Variants in LIN52 observed in about 807,000 individuals in gnomAD.
LIN52 encodes protein lin-52 homolog.
LIN52 carries 4 observed loss-of-function variants against 18.5 expected under a neutral mutation model. The ratio of observed to expected loss-of-function variants is 0.22; its 90% CI spans 0.11 to 0.49. The LOEUF (loss-of-function observed/expected upper bound fraction) is 0.49, where lower values mean the gene tolerates loss of function less well. Among genes scored for constraint, LIN52 ranks in the 20% least tolerant of loss-of-function variants. The pLI is 0.97. For synonymous variants in LIN52, 34 were observed against 45.5 expected (o/e 0.75, Z 1.02); for missense variants, 102 against 139.5 (o/e 0.73, Z 1.35).
chr14:74,096,050 C>A (rs2060809863), intron 3 of LIN52, 65 bp downstream of exon 3: 2 of 1,076,006 alleles, frequency 1.9e-6, no homozygotes, highest in African/African-American at 1.6e-5. Flanking sequence ...AAGCTCAGAT[C>A]TCTGTTCTTT....
At chr14:74,157,005 C>T (rs1301464711) in intron 5 of LIN52, among the ~76,000 whole-genome samples, 5 of 150,138 alleles carry the variant, frequency 3.3e-5, no homozygotes, top group Non-Finnish European at 7.4e-5. Context: ...AGTAGTATTT[C>T]ATTATGTATG....
chr14:74,105,503 T>A (rs1207901358), intron 5 of LIN52, among the ~76,000 whole-genome samples: 1 of 152,202 alleles, frequency 6.6e-6, no homozygotes, highest in Non-Finnish European at 1.5e-5. Flanking sequence ...AACAATTACA[T>A]TGATGTGTAT....
At chr14:74,126,175 C>G (rs1158512067) in intron 5 of LIN52, among the ~76,000 whole-genome samples, 1 of 152,062 alleles carries the variant, frequency 6.6e-6, no homozygotes, top group African/African-American at 2.4e-5. Flanking sequence ...CAGGGTGATA[C>G]CACTTTATAC....
At chr14:74,099,011 ATAAG>A (rs1566846013) in intron 4 of LIN52, among the ~76,000 whole-genome samples, 1 of 152,226 alleles carries the variant, frequency 6.6e-6, no homozygotes, top group East Asian at 1.9e-4. Context: ...AAAGAATACT[ATAAG>A]TAGTGAATAT....
At chr14:74,101,497 C>T (rs1200440556) in intron 5 of LIN52, among the ~76,000 whole-genome samples, 2 of 146,116 alleles carry the variant, frequency 1.4e-5, no homozygotes, top group Non-Finnish European at 3.0e-5. Flanking sequence ...CTCGCTCTGT[C>T]GCCCAGGCTG....
intron 5 of LIN52, among the ~76,000 whole-genome samples, chr14:74,178,917 C>CA (rs199611190): frequency 2.1e-4 from 32 of 149,156 alleles, no homozygotes; most frequent in East Asian, 1.0e-3. Flanking sequence ...CCCATCTCTA[C>CA]AAAAAAAAAC....
At chr14:74,165,519 T>TA (rs1482900021) in intron 5 of LIN52, among the ~76,000 whole-genome samples, 1 of 144,546 alleles carries the variant, frequency 6.9e-6, no homozygotes, top group Non-Finnish European at 1.5e-5. Context: ...TTTTCTTTTT[T>TA]TTTTTTTTTG....
rs1252554635 is a variant in LIN52 at position 74,133,654 on chromosome 14, A to G, written c.283+32416A>G. ...CCTTTGGAATGTTGAAAAGAGATCA[A>G]ATGAAACCTTCAGAATGGTTATTTA... On this transcript the variant is annotated intron_variant, in intron 5 of 5. Coordinates refer to ENST00000555028, the MANE Select transcript of LIN52 (RefSeq NM_001024674.3). Among the ~76,000 whole-genome samples, 5 of 152,224 alleles carry G rather than the reference A, an allele frequency of 3.3e-5. No homozygotes were observed. The East Asian group carries it at 5.8e-4, about 18-fold the overall frequency.
chr14:74,137,585 C>G (rs7142122), intron 5 of LIN52, among the ~76,000 whole-genome samples: 33,449 of 148,906 alleles, frequency 0.22, 4,066 homozygotes, highest in South Asian at 0.46. Context: ...CACAACCTCT[C>G]CCTCCTGGGT....
chr14:74,160,985 C>G (rs1032322343), intron 5 of LIN52, among the ~76,000 whole-genome samples: 4 of 152,138 alleles, frequency 2.6e-5, no homozygotes, highest in Non-Finnish European at 5.9e-5. Context: ...ACAGAACTTG[C>G]TTTGACATAG....
chr14:74,187,058 C>T (rs536806462), intron 5 of LIN52, among the ~76,000 whole-genome samples: 9 of 152,032 alleles, frequency 5.9e-5, no homozygotes, highest in African/African-American at 1.9e-4. Context: ...GCCTGGGTGA[C>T]GGGGTGAGAC....
chr14:74,132,074 TTA>T (rs776364410), intron 5 of LIN52, among the ~76,000 whole-genome samples: 1 of 152,236 alleles, frequency 6.6e-6, no homozygotes, highest in Non-Finnish European at 1.5e-5. Flanking sequence ...TATGAGCCTG[TTA>T]TGTTTCTTAC....
intron 5 of LIN52, among the ~76,000 whole-genome samples, chr14:74,117,026 A>G (rs1489637881): frequency 6.6e-6 from 1 of 152,246 alleles, no homozygotes; most frequent in East Asian, 1.9e-4. Flanking sequence ...ATGCCATTTT[A>G]GAAACAAAAT....
At chr14:74,158,453 CTTTT>C (rs954382204) in intron 5 of LIN52, among the ~76,000 whole-genome samples, 7 of 147,044 alleles carry the variant, frequency 4.8e-5, no homozygotes, top group African/African-American at 1.2e-4. Context: ...TCCTTTCTTT[CTTTT>C]TTATTTTTAT....
chr14:74,179,224 C>CAT (rs1223898352), intron 5 of LIN52, among the ~76,000 whole-genome samples: 1 of 152,136 alleles, frequency 6.6e-6, no homozygotes, highest in Non-Finnish European at 1.5e-5. Context: ...GTTCTATACT[C>CAT]ATATAGGATT....
intron 1 of LIN52, 120 bp downstream of exon 1, chr14:74,085,113 TA>T (rs2060716333): frequency 2.6e-5 from 26 of 1,014,684 alleles, no homozygotes; most frequent in African/African-American, 1.8e-4. Context: ...CTTTCCCTTT[TA>T]TTTTTTTTCT....
intron 5 of LIN52, among the ~76,000 whole-genome samples, chr14:74,170,438 A>G (rs1414238468): frequency 1.3e-5 from 2 of 152,100 alleles, no homozygotes; most frequent in African/African-American, 2.4e-5. Context: ...TGGGGTAAAT[A>G]TGAACTATTA....
chr14:74,105,659 T>C (rs1462172500), intron 5 of LIN52, among the ~76,000 whole-genome samples: 2 of 152,142 alleles, frequency 1.3e-5, no homozygotes, highest in Non-Finnish European at 2.9e-5. Context: ...GGTGTTTCAA[T>C]GTCTAAATCC....
intron 5 of LIN52, among the ~76,000 whole-genome samples, chr14:74,112,919 A>G (rs115737499): frequency 0.013 from 2,033 of 152,304 alleles, 45 homozygotes; most frequent in African/African-American, 0.045. Flanking sequence ...AGAAGAGGCA[A>G]TTGCATTAGA....
Sources: allele counts gnomAD v4.1 joint callset (sites outside exome capture counted in the v4.1 genomes callset), GRCh38; gene constraint gnomAD v4.1.1; transcripts MANE v1.5; gene names NCBI Gene and HGNC (gene_info 2026-07-23, HGNC 2026-07-21).